The following SND1 variants were observed in gnomAD, a reference collection of about 807,000 sequenced individuals.
SND1 encodes staphylococcal nuclease and tudor domain containing 1.
SND1 carries 38 observed loss-of-function variants against 121.7 expected under a neutral mutation model. The ratio of observed to expected loss-of-function variants is 0.31; its 90% CI spans 0.24 to 0.41. SND1 has a LOEUF of 0.41. SND1 is among the 10% of genes least tolerant of loss of function. The pLI, the probability that SND1 is intolerant of heterozygous loss-of-function variation, is 1.00. For synonymous variants in SND1, 401 were observed against 447.4 expected (o/e 0.90, Z 1.31); for missense variants, 868 against 1,184.6 (o/e 0.73, Z 3.92).
chr7:127,707,386 T>C (rs550226793), intron 8 of SND1, among the ~76,000 whole-genome samples, 171 bp from the exon 9 acceptor site: 13 of 152,356 alleles, frequency 8.5e-5, no homozygotes, highest in Admixed American at 7.8e-4. Flanking sequence ...TTTATATATG[T>C]ATCTTGCATG....
intron 14 of SND1, among the ~76,000 whole-genome samples, chr7:127,925,760 T>C (rs192714032): frequency 2.0e-3 from 304 of 151,942 alleles, no homozygotes; most frequent in African/African-American, 6.5e-3. Flanking sequence ...CACCCTGCTA[T>C]ACCCAACTAA....
chr7:127,959,345 A>G (rs576797211), intron 15 of SND1, among the ~76,000 whole-genome samples: 35 of 152,294 alleles, frequency 2.3e-4, no homozygotes, highest in African/African-American at 8.2e-4. Flanking sequence ...ATTCCTACAC[A>G]TGTAGCTGTC....
At chr7:127,948,181 G>T (rs189522461) in intron 15 of SND1, among the ~76,000 whole-genome samples, 1 of 152,256 alleles carries the variant, frequency 6.6e-6, no homozygotes, top group African/African-American at 2.4e-5. Flanking sequence ...ATTCCTGTAT[G>T]GCCTTAAAAC....
chr7:127,794,211 G>A (rs74782988), intron 10 of SND1, among the ~76,000 whole-genome samples: 9,838 of 152,228 alleles, frequency 0.065, 403 homozygotes, highest in Middle Eastern at 0.19. Context: ...AGAATACTTT[G>A]AATTTGGTGG....
intron 15 of SND1, among the ~76,000 whole-genome samples, chr7:127,968,635 C>G (rs1801908440): frequency 6.6e-6 from 1 of 152,154 alleles, no homozygotes; most frequent in Admixed American, 6.5e-5. Context: ...GAATAATTAC[C>G]TTTTTCGATG....
At chr7:127,974,584 T>C (rs1250998097) in intron 15 of SND1, among the ~76,000 whole-genome samples, 1 of 152,206 alleles carries the variant, frequency 6.6e-6, no homozygotes, top group Non-Finnish European at 1.5e-5. Flanking sequence ...GTGATTGAGC[T>C]TCTTCAGATT....
intron 14 of SND1, among the ~76,000 whole-genome samples, chr7:127,918,312 C>T (rs1303052643): frequency 2.6e-5 from 4 of 151,944 alleles, no homozygotes; most frequent in East Asian, 1.9e-4. Flanking sequence ...GTGATCCACT[C>T]GCCTCAGCCT....
intron 12 of SND1, among the ~76,000 whole-genome samples, chr7:127,851,191 GCTT>G (rs1290574620): frequency 1.3e-5 from 2 of 152,186 alleles, no homozygotes; most frequent in East Asian, 1.9e-4. Flanking sequence ...GTATGTGAGA[GCTT>G]CTTCTTTTCC....
intron 10 of SND1, among the ~76,000 whole-genome samples, chr7:127,739,917 T>G (rs1796847155): frequency 6.6e-6 from 1 of 152,192 alleles, no homozygotes; most frequent in Non-Finnish European, 1.5e-5. Flanking sequence ...GCCCAAGTCT[T>G]AAAGTCATGG....
intron 10 of SND1, among the ~76,000 whole-genome samples, chr7:127,769,504 A>G (rs1797477280): frequency 6.6e-6 from 1 of 152,202 alleles, no homozygotes; most frequent in Non-Finnish European, 1.5e-5. Context: ...ACCTGTCCAA[A>G]TAATTCTGGT....
At chr7:127,697,067 G>A (rs908602926) in intron 3 of SND1, among the ~76,000 whole-genome samples, 2 of 152,030 alleles carry the variant, frequency 1.3e-5, no homozygotes, top group Admixed American at 6.6e-5. Flanking sequence ...TTTTTATGAT[G>A]GGAGAGAATG....
At chr7:127,919,897 G>A (rs1358408462) in intron 14 of SND1, among the ~76,000 whole-genome samples, 6 of 152,058 alleles carry the variant, frequency 3.9e-5, no homozygotes, top group Non-Finnish European at 8.8e-5. Context: ...ACCTGCTTTC[G>A]TAGAATATTT....
intron 10 of SND1, among the ~76,000 whole-genome samples, chr7:127,752,663 A>G (rs1407772206): frequency 2.0e-5 from 3 of 152,238 alleles, no homozygotes; most frequent in Non-Finnish European, 4.4e-5. Context: ...TGTCACAACT[A>G]TTCAACTCTG....
intron 12 of SND1, among the ~76,000 whole-genome samples, chr7:127,859,641 T>C (rs1354187813): frequency 6.6e-6 from 1 of 152,214 alleles, no homozygotes; most frequent in African/African-American, 2.4e-5. Flanking sequence ...TAGTTTTTCA[T>C]AAAACTTGAT....
chr7:127,973,847 T>C (rs556313279), intron 15 of SND1, among the ~76,000 whole-genome samples: 2 of 152,342 alleles, frequency 1.3e-5, no homozygotes, highest in African/African-American at 4.8e-5. Context: ...AAATTGCCTT[T>C]GTTTCTAAAG....
intron 10 of SND1, among the ~76,000 whole-genome samples, chr7:127,734,083 A>G (rs536149686): frequency 6.6e-5 from 10 of 152,118 alleles, no homozygotes; most frequent in African/African-American, 2.4e-4. Context: ...CTAAAGCTCT[A>G]TCTCCAGGAT....
At chr7:128,062,355 A>G (rs1793245324) in intron 16 of SND1, among the ~76,000 whole-genome samples, 1 of 152,138 alleles carries the variant, frequency 6.6e-6, no homozygotes. Flanking sequence ...CTCAGAGGGG[A>G]TGGTACCTTC....
At position 128,029,066 on chromosome 7, in the gene SND1, G is replaced by A; in HGVS notation, c.1779+38010G>A. On this transcript the variant is annotated intron_variant, in intron 16 of 23. Transcript: ENST00000354725. This position sits in a 1 kb window ranked among gnomAD's most constrained non-coding sequence, Gnocchi z 4.2. ...CAAAGCAGCCAATGATGATCTTGGT[G>A]GTCTTCATGACTTCATCCAGGCTGG... The A allele has an allele frequency of 6.2e-7, 1 of 1,614,116 alleles. No individual in the cohort carries two copies.
intron 15 of SND1, among the ~76,000 whole-genome samples, chr7:127,974,089 G>A (rs1802060908): frequency 6.6e-6 from 1 of 152,220 alleles, no homozygotes; most frequent in Non-Finnish European, 1.5e-5. Context: ...TAAGATGTGT[G>A]TGTTCTGGCA....
Sources: allele counts gnomAD v4.1 joint callset (sites outside exome capture counted in the v4.1 genomes callset), GRCh38; gene constraint gnomAD v4.1.1; non-coding constraint Gnocchi (gnomAD v3.1); transcripts MANE v1.5; gene names NCBI Gene and HGNC (gene_info 2026-07-23, HGNC 2026-07-21).